TWSG1: variants seen among roughly 807,000 people sequenced by gnomAD.
The protein encoded by TWSG1 is twisted gastrulation BMP signaling modulator 1, also known as twisted gastrulation protein homolog 1.
In TWSG1, 15 loss-of-function variants were observed where a neutral mutation model predicts 23.0. That is an observed-to-expected ratio of 0.65 (90% CI 0.44 to 1.00). TWSG1 has a LOEUF of 1.00. TWSG1 is among the 50% of genes least tolerant of loss of function. The pLI, the probability that TWSG1 is intolerant of heterozygous loss-of-function variation, is 0.00. For missense variants in TWSG1, 242 were observed against 278.7 expected (o/e 0.87, Z 0.94); for synonymous variants, 86 against 92.8 (o/e 0.93, Z 0.42).
At chr18:9,345,288 G>A (rs1235511727) in intron 2 of TWSG1, among the ~76,000 whole-genome samples, 1 of 152,056 alleles carries the variant, frequency 6.6e-6, no homozygotes, top group Non-Finnish European at 1.5e-5. Flanking sequence ...TGCTTTTGGT[G>A]TTGTATCTAA....
rs1222710069 is a variant in TWSG1 at position 9,359,955 on chromosome 18, A to G, written c.124-17A>G. Reference sequence around the variant, plus strand: ...GATTATTTGGAATTTGAAGTTTAACATCTGTCTTGTTTCTAGGAGCTCTGC... The same window carrying G: ...GATTATTTGGAATTTGAAGTTTAACGTCTGTCTTGTTTCTAGGAGCTCTGC... On this transcript the variant is annotated splice_polypyrimidine_tract_variant and intron_variant, in intron 2 of 4. Transcript: ENST00000262120. 5 of 1,607,582 alleles carry G rather than the reference A, an allele frequency of 3.1e-6. No homozygotes were observed. The highest frequency in any genetic ancestry group is 4.3e-6 in the Non-Finnish European group (5 of 1,175,044).
chr18:9,388,784 G>T (rs1369971958), intron 3 of TWSG1, among the ~76,000 whole-genome samples: 2 of 152,098 alleles, frequency 1.3e-5, no homozygotes, highest in African/African-American at 4.8e-5. Flanking sequence ...GGAACTTTTG[G>T]GCTCTGTCAG....
intron 3 of TWSG1, among the ~76,000 whole-genome samples, chr18:9,380,916 A>T (rs1265933408): frequency 6.6e-6 from 1 of 151,438 alleles, no homozygotes; most frequent in African/African-American, 2.4e-5. Flanking sequence ...TATTTTTCTC[A>T]GCAGTGTCCT....
chr18:9,388,885 A>C (rs142805431), intron 3 of TWSG1, among the ~76,000 whole-genome samples: 1 of 152,014 alleles, frequency 6.6e-6, no homozygotes, highest in Non-Finnish European at 1.5e-5. Context: ...AGTAGATGTT[A>C]AATTTAGCTT....
rs562560806 is a variant in TWSG1 at position 9,360,902 on chromosome 18, A to G, written c.223+831A>G. Among the ~76,000 whole-genome samples, 5 of 152,198 alleles carry G rather than the reference A, an allele frequency of 3.3e-5. No individual in the cohort carries two copies. In the East Asian group the frequency reaches 9.6e-4, roughly 29 times the overall value. On this transcript the variant is annotated intron_variant, in intron 3 of 4. Transcript: ENST00000262120. ...CCATAATTCTGAATAATAACCCTATACTACTCTCTTGATTCTTTGATTTTA... is the reference window on the plus strand; with the variant it reads ...CCATAATTCTGAATAATAACCCTATGCTACTCTCTTGATTCTTTGATTTTA...
chr18:9,341,660 T>C (rs989107179), intron 2 of TWSG1, among the ~76,000 whole-genome samples: 14 of 152,222 alleles, frequency 9.2e-5, no homozygotes, highest in African/African-American at 2.9e-4. Context: ...ATCACAGTTT[T>C]GAGTTTATCT....
At chr18:9,353,654 T>C (rs952412371) in intron 2 of TWSG1, among the ~76,000 whole-genome samples, 1 of 152,200 alleles carries the variant, frequency 6.6e-6, no homozygotes, top group Non-Finnish European at 1.5e-5. Context: ...ACCTTGCCTC[T>C]AACATGCAAG....
chr18:9,358,233 G>C (rs1196647801), intron 2 of TWSG1, among the ~76,000 whole-genome samples: 1 of 151,990 alleles, frequency 6.6e-6, no homozygotes, highest in African/African-American at 2.4e-5. Context: ...TCTTTGGAAA[G>C]TAGGAATGGG....
intron 3 of TWSG1, among the ~76,000 whole-genome samples, chr18:9,391,504 A>AG (rs2040712723): frequency 6.6e-6 from 1 of 152,180 alleles, no homozygotes; most frequent in Non-Finnish European, 1.5e-5. Context: ...GGCAGCTATA[A>AG]CCTTACAAGA....
chr18:9,396,168 A>T, intron 3 of TWSG1, 112 bp from the exon 4 acceptor site: 3 of 772,256 alleles, frequency 3.9e-6, no homozygotes, highest in Non-Finnish European at 5.9e-6. Context: ...AAAAAAAAAA[A>T]AGGTAGGAAA....
chr18:9,366,780 TTTA>T (rs1270298937), intron 3 of TWSG1, among the ~76,000 whole-genome samples: 1 of 152,146 alleles, frequency 6.6e-6, no homozygotes, highest in Non-Finnish European at 1.5e-5. Context: ...AGATACATTA[TTTA>T]TTATTATTAA....
In TWSG1 at chr18:9,372,154, A is replaced by C. The variant is rs555600451; in HGVS notation, c.223+12083A>C. 3.8e-4 allele frequency among the ~76,000 whole-genome samples: 57 copies of C among 151,524 alleles called. 2 individuals carry two copies. In the South Asian group the frequency reaches 0.012, roughly 31 times the overall value. On this transcript the variant is annotated intron_variant, in intron 3 of 4. Coordinates refer to ENST00000262120, the MANE Select transcript of TWSG1 (RefSeq NM_020648.6). ...TTAATTATGTGTGCTATGTATGTATATATATTATATATTTGTATATACAGT... is the reference window on the plus strand; with the variant it reads ...TTAATTATGTGTGCTATGTATGTATCTATATTATATATTTGTATATACAGT...
chr18:9,385,176 C>A (rs1469759284), intron 3 of TWSG1, among the ~76,000 whole-genome samples: 1 of 152,076 alleles, frequency 6.6e-6, no homozygotes, highest in Non-Finnish European at 1.5e-5. Context: ...CTCCTCCATT[C>A]GTCAGAAAAA....
intron 2 of TWSG1, among the ~76,000 whole-genome samples, chr18:9,351,456 T>G (rs1429902929): frequency 1.3e-5 from 2 of 152,120 alleles, no homozygotes; most frequent in African/African-American, 2.4e-5. Context: ...AAAAATTATG[T>G]TTGGTTAGAA....
Position 9,400,285 on chromosome 18 carries a change from G to A in TWSG1, c.*758G>A, listed in dbSNP as rs1003226052. The A allele has an allele frequency of 1.1e-5, 1 of 87,054 alleles. No individual in the cohort carries two copies. Among genetic ancestry groups the A allele is most frequent in the Non-Finnish European group, 2.3e-5 (1 of 44,144 alleles). The allele number at this position is 87,054 out of a possible 1,614,324, so 5.4% of individuals were successfully genotyped here. Reference sequence around the variant, plus strand: ...TGAAATTGCTTTAAATGCACTGCTGGTGTAAATAATTAGCAAGCAAAGCGT... The same window carrying A: ...TGAAATTGCTTTAAATGCACTGCTGATGTAAATAATTAGCAAGCAAAGCGT... On this transcript the variant is annotated 3_prime_UTR_variant, in exon 5 of 5. Coordinates refer to ENST00000262120, the MANE Select transcript of TWSG1 (RefSeq NM_020648.6).
intron 2 of TWSG1, among the ~76,000 whole-genome samples, chr18:9,338,615 A>C (rs2040432602): frequency 6.6e-6 from 1 of 152,198 alleles, no homozygotes; most frequent in South Asian, 2.1e-4. Context: ...AATTAACACT[A>C]ATTCTTTAAT....
intron 3 of TWSG1, among the ~76,000 whole-genome samples, chr18:9,375,903 C>T (rs572142899): frequency 6.6e-6 from 1 of 151,552 alleles, no homozygotes; most frequent in East Asian, 1.9e-4. Context: ...TCAGTTCTTC[C>T]CACCTTCATC....
chr18:9,392,659 C>T (rs1222175546), intron 3 of TWSG1, among the ~76,000 whole-genome samples: 2 of 152,184 alleles, frequency 1.3e-5, no homozygotes, highest in African/African-American at 2.4e-5. Context: ...AGCTTTTGGC[C>T]TGTTTTAGCT....
intron 3 of TWSG1, among the ~76,000 whole-genome samples, chr18:9,362,923 T>C (rs62087470): frequency 0.029 from 4,348 of 152,332 alleles, 76 homozygotes; most frequent in Non-Finnish European, 0.039. Flanking sequence ...CTTTCTACTT[T>C]CTAGGATAAA....
Sources: gnomAD v4.1 joint callset for allele counts (sites outside exome capture counted in the v4.1 genomes callset) on GRCh38, gnomAD v4.1.1 for gene constraint, MANE v1.5 for transcripts, NCBI Gene and HGNC (gene_info 2026-07-23, HGNC 2026-07-21) for gene names.